GRIK2: variants seen among roughly 807,000 people sequenced by gnomAD.
GRIK2 encodes the protein glutamate receptor ionotropic, kainate 2.
A neutral mutation model predicts 100.3 loss-of-function variants in GRIK2; 32 were observed. That is an observed-to-expected ratio of 0.32 (90% CI 0.24 to 0.43). The LOEUF (loss-of-function observed/expected upper bound fraction) is 0.43. Ranked by LOEUF, GRIK2 falls within the 20% of genes least tolerant of loss-of-function variation. The pLI, the probability that GRIK2 is intolerant of heterozygous loss-of-function variation, is 1.00. For synonymous variants in GRIK2, 417 were observed against 389.4 expected, an observed-to-expected ratio of 1.07 and a Z score of -0.83; for missense variants, 843 against 1,114.9, an observed-to-expected ratio of 0.76 and a Z score of 3.47.
intron 14 of GRIK2, among the ~76,000 whole-genome samples, chr6:101,947,178 T>C (rs927024121): frequency 2.0e-5 from 3 of 152,178 alleles, no homozygotes; most frequent in African/African-American, 7.2e-5. Flanking sequence ...GAAATTGTCT[T>C]GATCACTTGA....
intron 14 of GRIK2, among the ~76,000 whole-genome samples, chr6:101,994,701 G>T (rs1321150622): frequency 1.3e-5 from 2 of 151,754 alleles, no homozygotes; most frequent in Non-Finnish European, 2.9e-5. Flanking sequence ...TCTGTGCTTT[G>T]TCTTTTTCCA....
At chr6:101,444,069 T>TTGG (rs1770233647) in intron 2 of GRIK2, among the ~76,000 whole-genome samples, 1 of 145,336 alleles carries the variant, frequency 6.9e-6, no homozygotes, top group Non-Finnish European at 1.6e-5. Context: ...TTCCGGGTTT[T>TTGG]TTTGTTTGTT....
intron 14 of GRIK2, among the ~76,000 whole-genome samples, chr6:102,001,818 A>AT (rs1794957006): frequency 6.6e-6 from 1 of 151,320 alleles, no homozygotes; most frequent in African/African-American, 2.4e-5. Context: ...TTCTCTTTTG[A>AT]TTTTTTCCTT....
Position 101,618,850 on chromosome 6 carries a change from C to G in GRIK2, c.116-3099C>G, listed in dbSNP as rs533940401. 8.6e-5 allele frequency among the ~76,000 whole-genome samples: 13 copies of G among 151,342 alleles called. 1 individual carries two copies. The South Asian group carries it at 2.7e-3, about 31-fold the overall frequency. On this transcript the variant is annotated intron_variant, in intron 2 of 16. Coordinates refer to ENST00000369134, the MANE Select transcript of GRIK2 (RefSeq NM_021956.5). ...AGAGTGGATATTGTAGACATTTTAT[C>G]TTTTTCCTGACCTTAATGGAACTTC... is the stretch of plus-strand genomic sequence containing the variant.
intron 2 of GRIK2, among the ~76,000 whole-genome samples, chr6:101,422,080 A>G (rs1459289636): frequency 1.3e-5 from 2 of 152,204 alleles, no homozygotes; most frequent in Non-Finnish European, 2.9e-5. Flanking sequence ...TTGTTATAGG[A>G]GAAATAATTC....
At chr6:101,522,957 T>A (rs1774953293) in intron 2 of GRIK2, among the ~76,000 whole-genome samples, 1 of 151,340 alleles carries the variant, frequency 6.6e-6, no homozygotes, top group Admixed American at 6.6e-5. Flanking sequence ...ATTAATGAAC[T>A]AATGAGTTTC....
At chr6:101,512,437 A>G (rs1418163697) in intron 2 of GRIK2, among the ~76,000 whole-genome samples, 1 of 152,080 alleles carries the variant, frequency 6.6e-6, no homozygotes, top group Non-Finnish European at 1.5e-5. Context: ...TCACAAAAAT[A>G]TATAGATCTA....
chr6:101,673,416 A>G (rs760907403), intron 4 of GRIK2, among the ~76,000 whole-genome samples: 2 of 152,136 alleles, frequency 1.3e-5, no homozygotes, highest in Non-Finnish European at 2.9e-5. Flanking sequence ...TGAACTACAG[A>G]TTCCAAGTGG....
chr6:101,919,748 C>A (rs1476423284), intron 12 of GRIK2, among the ~76,000 whole-genome samples: 6 of 151,556 alleles, frequency 4.0e-5, no homozygotes, highest in African/African-American at 1.5e-4. Context: ...GTCAGAAGTT[C>A]AAAGGGAAGG....
At chr6:101,680,635 T>C (rs529348152) in intron 5 of GRIK2, among the ~76,000 whole-genome samples, 1 of 152,316 alleles carries the variant, frequency 6.6e-6, no homozygotes, top group East Asian at 1.9e-4. Flanking sequence ...TCTGAATCGT[T>C]ATTTCTTTCA....
intron 10 of GRIK2, among the ~76,000 whole-genome samples, chr6:101,822,228 A>G (rs1781999898): frequency 6.6e-6 from 1 of 151,580 alleles, no homozygotes; most frequent in Non-Finnish European, 1.5e-5. Flanking sequence ...ACACACACAC[A>G]CACACACACA....
At chr6:101,601,313 A>G (rs1475644722) in intron 2 of GRIK2, among the ~76,000 whole-genome samples, 1 of 151,690 alleles carries the variant, frequency 6.6e-6, no homozygotes, top group Non-Finnish European at 1.5e-5. Context: ...TAACTTTTTG[A>G]TGTACTAAAG....
intron 7 of GRIK2, among the ~76,000 whole-genome samples, chr6:101,792,716 G>A (rs1010919535): frequency 2.0e-4 from 31 of 152,106 alleles, no homozygotes; most frequent in African/African-American, 7.5e-4. Flanking sequence ...GAGTATCTTT[G>A]TGGTGTTCTC....
At chr6:101,419,088 T>C (rs1399897830) in intron 2 of GRIK2, among the ~76,000 whole-genome samples, 1 of 152,236 alleles carries the variant, frequency 6.6e-6, no homozygotes, top group Non-Finnish European at 1.5e-5. Flanking sequence ...CTTACTCTTA[T>C]CTGACTCTTT....
chr6:101,541,733 A>T (rs1345311199), intron 2 of GRIK2, among the ~76,000 whole-genome samples: 1 of 150,348 alleles, frequency 6.7e-6, no homozygotes, highest in Non-Finnish European at 1.5e-5. Context: ...CGAGGGATGC[A>T]ATTTAGCAAG....
At chr6:101,519,346 T>TGTGTGTGTGTGTGTG (rs1774754815) in intron 2 of GRIK2, among the ~76,000 whole-genome samples, 2 of 138,898 alleles carry the variant, frequency 1.4e-5, no homozygotes, top group Admixed American at 7.3e-5. Flanking sequence ...TGTGTGTGTG[T>TGTGTGTGTGTGTGTG]TTGCGCTGGT....
At chr6:101,553,151 C>A (rs183684193) in intron 2 of GRIK2, among the ~76,000 whole-genome samples, 13 of 152,228 alleles carry the variant, frequency 8.5e-5, no homozygotes, top group Admixed American at 4.6e-4. Flanking sequence ...CAATTGAGTA[C>A]AATGTCATAA....
At chr6:101,949,994 C>T (rs1172519990) in intron 14 of GRIK2, among the ~76,000 whole-genome samples, 2 of 152,054 alleles carry the variant, frequency 1.3e-5, no homozygotes, top group East Asian at 3.9e-4. Flanking sequence ...TGTTCAGGAA[C>T]AGAACAGAAA....
At chr6:101,423,489 C>A (rs9390745) in intron 2 of GRIK2, among the ~76,000 whole-genome samples, 104,846 of 151,946 alleles carry the variant, frequency 0.69, 36,466 homozygotes, top group East Asian at 0.92. Flanking sequence ...TGAAAGTAGA[C>A]TAACAGATAT....
Sources: gnomAD v4.1 joint callset for allele counts (sites outside exome capture counted in the v4.1 genomes callset) on GRCh38, gnomAD v4.1.1 for gene constraint, MANE v1.5 for transcripts, NCBI Gene and HGNC (gene_info 2026-07-23, HGNC 2026-07-21) for gene names.